MEGF6: variants seen among roughly 807,000 people sequenced by gnomAD.
MEGF6 encodes the protein multiple epidermal growth factor-like domains protein 6.
Under a neutral mutation model 207.1 loss-of-function variants are expected in MEGF6, and 184 were observed. That is an observed-to-expected ratio of 0.89 (90% CI 0.79 to 1.00). The LOEUF (loss-of-function observed/expected upper bound fraction) is 1.00, where lower values mean the gene tolerates loss of function less well. Among genes scored for constraint, MEGF6 ranks in the 50% least tolerant of loss-of-function variants. MEGF6 has a pLI of 0.00. For missense variants in MEGF6, 2,282 were observed against 2,202.9 expected, an observed-to-expected ratio of 1.04 and a Z score of -0.72; for synonymous variants, 1,038 against 910.0, an observed-to-expected ratio of 1.14 and a Z score of -2.53.
chr1:3,619,771 A>G, the MEGF6 span, among the ~76,000 whole-genome samples: 1 of 152,226 alleles, frequency 6.6e-6, no homozygotes, highest in Non-Finnish European at 1.5e-5. Flanking sequence ...AACGTGGACT[A>G]ATACAGAAAA....
At chr1:3,512,213 C>T (rs1641379012) in intron 7 of MEGF6, 85 bp from the exon 8 acceptor site, 2 of 1,499,660 alleles carry the variant, frequency 1.3e-6, no homozygotes, top group Non-Finnish European at 1.8e-6. Flanking sequence ...GCACGGCCTG[C>T]TGACACCCAG....
chr1:3,624,544 G>C, the MEGF6 span: 2 of 152,390 alleles, frequency 1.3e-5, no homozygotes, highest in Admixed American at 1.3e-4. Flanking sequence ...CGGTGCACCA[G>C]GGCCGCCGCC....
chr1:3,544,434 CG>C (rs57427598), intron 4 of MEGF6, among the ~76,000 whole-genome samples: 18,459 of 151,476 alleles, frequency 0.12, 1,986 homozygotes, highest in African/African-American at 0.3. Flanking sequence ...CAGGGGCCCT[CG>C]GGGGCCTCTC....
At chr1:3,527,346 T>C (rs2101288366) in intron 4 of MEGF6, among the ~76,000 whole-genome samples, 1 of 152,274 alleles carries the variant, frequency 6.6e-6, no homozygotes, top group South Asian at 2.1e-4. Context: ...ATCCACGCTC[T>C]GAGAATGTGC....
At chr1:3,528,861 G>A (rs1328569971) in intron 4 of MEGF6, among the ~76,000 whole-genome samples, 1 of 152,150 alleles carries the variant, frequency 6.6e-6, no homozygotes, top group East Asian at 1.9e-4. Flanking sequence ...ACTGGGCCTC[G>A]CAGGACTGTC....
intron 4 of MEGF6, among the ~76,000 whole-genome samples, chr1:3,572,407 TGTGCTGGGTTCTCTC>T (rs1643528584): frequency 8.9e-6 from 1 of 112,876 alleles, no homozygotes; most frequent in African/African-American, 3.9e-5. Flanking sequence ...TCCTCCTGGG[TGTGCTGGGTTCTCTC>T]AGGTGTGCTG....
intron 21 of MEGF6, among the ~76,000 whole-genome samples, chr1:3,500,193 G>A (rs1276407153): frequency 2.0e-5 from 3 of 152,094 alleles, no homozygotes; most frequent in Non-Finnish European, 2.9e-5. Flanking sequence ...GGCCTCCCCC[G>A]ATTCCACCAA....
intron 20 of MEGF6, 55 bp from the exon 21 acceptor site, chr1:3,500,819 C>A: frequency 6.3e-7 from 1 of 1,594,840 alleles, no homozygotes; most frequent in Non-Finnish European, 8.6e-7. Flanking sequence ...CCACGGGCAC[C>A]ACAGCCGAGT....
chr1:3,599,972 C>G (rs1335563963), intron 2 of MEGF6, among the ~76,000 whole-genome samples: 1 of 152,170 alleles, frequency 6.6e-6, no homozygotes, highest in Non-Finnish European at 1.5e-5. Context: ...CTGACGTCGC[C>G]AGGCTGGTAG....
At chr1:3,501,658 G>T (rs1334402505) in intron 18 of MEGF6, 138 bp downstream of exon 18, 2 of 1,259,034 alleles carry the variant, frequency 1.6e-6, no homozygotes, top group Non-Finnish European at 1.1e-6. Context: ...CTACCCCAGG[G>T]GAGTGCACTG....
intron 4 of MEGF6, among the ~76,000 whole-genome samples, chr1:3,552,394 A>T (rs6413780): frequency 6.6e-6 from 1 of 152,176 alleles, no homozygotes; most frequent in Non-Finnish European, 1.5e-5. Context: ...GAGCCAAGAA[A>T]GCGCTGAGGC....
intron 10 of MEGF6, 84 bp from the exon 11 acceptor site, chr1:3,510,076 G>A: frequency 6.7e-7 from 1 of 1,490,904 alleles, no homozygotes; most frequent in Non-Finnish European, 8.9e-7. Context: ...CTACCCACAG[G>A]ACTGAAGCCC....
intron 3 of MEGF6, among the ~76,000 whole-genome samples, chr1:3,587,696 C>G (rs116898403): frequency 6.6e-6 from 1 of 152,178 alleles, no homozygotes; most frequent in East Asian, 1.9e-4. Context: ...CATGCTCATG[C>G]GTGGACCTGG....
chr1:3,565,281 T>G lies in MEGF6; in HGVS notation c.481+14544A>C, dbSNP rs998403201. Among the ~76,000 whole-genome samples the G allele has an allele frequency of 1.3e-5, 2 of 149,860 alleles. No homozygotes were observed. Among genetic ancestry groups the G allele is most frequent in the Non-Finnish European group, 3.0e-5 (2 of 67,664 alleles). On this transcript the variant is annotated intron_variant, in intron 4 of 36. Coordinates refer to ENST00000356575, the MANE Select transcript of MEGF6 (RefSeq NM_001409.4). This position sits in a 1 kb window ranked among gnomAD's most constrained non-coding sequence, Gnocchi z 4.8. ...CATGGCACCGAGATGGCATCAGCAG[T>G]GGGTGAGAAACACACGTGCAGAGCC...
At position 3,499,932 on chromosome 1, in the gene MEGF6, A is replaced by G; in HGVS notation, c.2708-8T>C. 1 of 1,555,624 alleles carries G rather than the reference A, an allele frequency of 6.4e-7. No individual in the cohort carries two copies. The highest frequency in any genetic ancestry group is 1.2e-5 in the South Asian group (1 of 84,300). On this transcript the variant is annotated splice_region_variant and splice_polypyrimidine_tract_variant and intron_variant, in intron 21 of 36. Coordinates refer to ENST00000356575, the MANE Select transcript of MEGF6 (RefSeq NM_001409.4). ...AGTGGCCCTGGGGACACTCTGAGAT[A>G]TGCAGCCCCGGCCCACAGTCAGCCA... is the stretch of plus-strand genomic sequence containing the variant.
At chr1:3,605,180 T>TCAGTCACACACACCCACACACA (rs1235358248) in intron 1 of MEGF6, among the ~76,000 whole-genome samples, 20 of 150,336 alleles carry the variant, frequency 1.3e-4, no homozygotes, top group African/African-American at 4.7e-4. Context: ...TTACTCATAC[T>TCAGTCACACACACCCACACACA]CAGTCACACA....
intron 7 of MEGF6, among the ~76,000 whole-genome samples, chr1:3,513,723 T>C (rs1641435848): frequency 6.7e-6 from 1 of 150,366 alleles, no homozygotes; most frequent in Non-Finnish European, 1.5e-5. Context: ...CCGGAGTAGC[T>C]AGGACTCCAG....
intron 9 of MEGF6, 48 bp downstream of exon 9, chr1:3,511,502 C>T (rs374434482): frequency 6.2e-5 from 97 of 1,559,154 alleles, no homozygotes; most frequent in Middle Eastern, 5.6e-4. Flanking sequence ...AGGGCAGCAG[C>T]GGGTCCCTGG....
intron 21 of MEGF6, among the ~76,000 whole-genome samples, chr1:3,500,257 C>T (rs1174141672): frequency 2.0e-5 from 3 of 152,250 alleles, no homozygotes; most frequent in Non-Finnish European, 4.4e-5. Flanking sequence ...TAAGCAGACC[C>T]CTTCTCCATC....
Sources: gnomAD v4.1 joint callset for allele counts (sites outside exome capture counted in the v4.1 genomes callset) on GRCh38, gnomAD v4.1.1 for gene constraint, Gnocchi (gnomAD v3.1) non-coding constraint, MANE v1.5 for transcripts, NCBI Gene and HGNC (gene_info 2026-07-23, HGNC 2026-07-21) for gene names.